Variants in LEPR observed in about 807,000 individuals in gnomAD.
LEPR encodes the protein leptin receptor.
In LEPR, 56 loss-of-function variants were observed where a neutral mutation model predicts 114.7. The ratio of observed to expected loss-of-function variants is 0.49; its 90% CI spans 0.39 to 0.61. LEPR has a LOEUF of 0.61. Among genes scored for constraint, LEPR ranks in the 20% least tolerant of loss-of-function variants. LEPR has a pLI of 0.00. For missense variants in LEPR, 1,202 were observed against 1,352.9 expected (o/e 0.89, Z 1.75); for synonymous variants, 443 against 461.4 (o/e 0.96, Z 0.51).
At chr1:65,482,978 ACT>A (rs1373368132) in intron 2 of LEPR, among the ~76,000 whole-genome samples, 1 of 145,552 alleles carries the variant, frequency 6.9e-6, no homozygotes, top group African/African-American at 2.6e-5. Flanking sequence ...ACAGAGTGAG[ACT>A]CTGTCTCAAA....
chr1:65,482,732 AATCCCAGCACTTTGGG>A (rs1217687466), intron 2 of LEPR, among the ~76,000 whole-genome samples: 1 of 152,182 alleles, frequency 6.6e-6, no homozygotes, highest in Non-Finnish European at 1.5e-5. Flanking sequence ...TCAAGCCTGT[AATCCCAGCACTTTGGG>A]AGGCCAAGGC....
intron 12 of LEPR, 137 bp downstream of exon 12, chr1:65,609,038 A>G (rs1657003053): frequency 1.7e-6 from 2 of 1,178,476 alleles, no homozygotes; most frequent in Non-Finnish European, 2.4e-6. Context: ...CATTAAATAG[A>G]TTTATCTAAG....
At chr1:65,626,074 C>G (rs767313438) in intron 19 of LEPR, 1 of 1,564,730 alleles carries the variant, frequency 6.4e-7, no homozygotes, top group Non-Finnish European at 8.7e-7. Flanking sequence ...AGGCCCACAT[C>G]AGCAAAATGC....
chr1:65,597,075 A>T (rs568704041), intron 7 of LEPR, among the ~76,000 whole-genome samples: 1 of 152,126 alleles, frequency 6.6e-6, no homozygotes, highest in South Asian at 2.1e-4. Flanking sequence ...ATCCTCCACC[A>T]TTCCCCAAAT....
chr1:65,472,663 A>C (rs1014674483), intron 2 of LEPR, among the ~76,000 whole-genome samples: 6 of 146,904 alleles, frequency 4.1e-5, no homozygotes, highest in Non-Finnish European at 8.8e-5. Flanking sequence ...TTTCTTTTTT[A>C]AAAGAGTGTA....
intron 2 of LEPR, among the ~76,000 whole-genome samples, chr1:65,481,422 A>G (rs1387574763): frequency 6.6e-6 from 1 of 152,190 alleles, no homozygotes; most frequent in Non-Finnish European, 1.5e-5. Flanking sequence ...ATATAACATG[A>G]TTATTAATCC....
At chr1:65,497,086 T>C (rs1175727004) in intron 2 of LEPR, among the ~76,000 whole-genome samples, 2 of 152,184 alleles carry the variant, frequency 1.3e-5, no homozygotes, top group Admixed American at 6.6e-5. Flanking sequence ...AATTTATCTG[T>C]GTATTCACAA....
chr1:65,431,271 A>G (rs978303934), intron 2 of LEPR, among the ~76,000 whole-genome samples: 2 of 152,230 alleles, frequency 1.3e-5, no homozygotes, highest in African/African-American at 4.8e-5. Context: ...TCTTGCTTAA[A>G]GTAAAACAAA....
At chr1:65,474,744 A>G (rs1011691749) in intron 2 of LEPR, among the ~76,000 whole-genome samples, 2 of 152,208 alleles carry the variant, frequency 1.3e-5, no homozygotes, top group African/African-American at 4.8e-5. Flanking sequence ...GCGGTGGCTC[A>G]TGCCTGTAAT....
chr1:65,634,289 C>A (rs1290680883), intron 19 of LEPR: 2 of 982,726 alleles, frequency 2.0e-6, no homozygotes, highest in African/African-American at 3.5e-5. Flanking sequence ...GAAAAGAACT[C>A]TACAAAAACG....
At chr1:65,473,948 T>C (rs1647123245) in intron 2 of LEPR, among the ~76,000 whole-genome samples, 1 of 152,224 alleles carries the variant, frequency 6.6e-6, no homozygotes, top group East Asian at 1.9e-4. Flanking sequence ...GCCAGGATCT[T>C]GGTTCTCTCA....
In LEPR at chr1:65,569,646, G is replaced by T. The variant is rs1361120009; in HGVS notation, c.41-827G>T. Among the ~76,000 whole-genome samples, 3 of 144,880 alleles carry T rather than the reference G, an allele frequency of 2.1e-5. No individual in the cohort carries two copies. In the East Asian group the frequency reaches 6.1e-4, roughly 29 times the overall value. On this transcript the variant is annotated intron_variant, in intron 3 of 19. Coordinates refer to ENST00000349533, the MANE Select transcript of LEPR (RefSeq NM_002303.6). ...TGCTTGAACCCGGGAAGCAGAGGTT[G>T]CAGTGAGTCGAGATCATGCCACTGC...
At position 65,445,789 on chromosome 1, in the gene LEPR, G is replaced by T. The variant is rs777790023; in HGVS notation, c.-21+20411G>T. On this transcript the variant is annotated intron_variant, in intron 2 of 19. Transcript: ENST00000349533. Reference sequence around the variant, plus strand: ...TTAAGAAATTTCAACTAATATAGAAGACTTAATCAATTCTCAATTACATGT... The same window carrying T: ...TTAAGAAATTTCAACTAATATAGAATACTTAATCAATTCTCAATTACATGT... Among the ~76,000 whole-genome samples, 415 of 151,880 alleles carry T rather than the reference G, an allele frequency of 2.7e-3. 2 individuals carry two copies. The highest frequency in any genetic ancestry group is 0.024 in the Middle Eastern group (7 of 294).
intron 3 of LEPR, among the ~76,000 whole-genome samples, chr1:65,569,057 A>C (rs773197956): frequency 3.3e-5 from 5 of 151,978 alleles, no homozygotes; most frequent in Non-Finnish European, 7.4e-5. Context: ...AGTTCCTTCT[A>C]AATTCTGGAT....
intron 5 of LEPR, among the ~76,000 whole-genome samples, chr1:65,583,474 G>T (rs1655124793): frequency 1.3e-5 from 2 of 152,100 alleles, no homozygotes; most frequent in Admixed American, 6.6e-5. Flanking sequence ...ATGGGTATCA[G>T]TGACATTTCA....
In LEPR at chr1:65,550,802, C is replaced by CG. The variant is rs546403062; in HGVS notation, c.-20-14743dup. On this transcript the variant is annotated intron_variant, in intron 2 of 19. Transcript: ENST00000349533. ...GGCAATGCCTTGCCCTGCTTTGGCT[C>CG]GCGCACAGCGCGCTGCACCCACTGT... is the stretch of plus-strand genomic sequence containing the variant. 1.5e-3 allele frequency among the ~76,000 whole-genome samples: 231 copies of CG among 152,250 alleles called. 2 individuals are homozygous for CG. The highest frequency in any genetic ancestry group is 5.4e-3 in the African/African-American group (226 of 41,566).
chr1:65,474,435 T>C (rs1647130110), intron 2 of LEPR, among the ~76,000 whole-genome samples: 1 of 152,206 alleles, frequency 6.6e-6, no homozygotes. Flanking sequence ...AAAGGACATG[T>C]GTTCTTATAA....
chr1:65,617,887 T>C (rs1056077634), intron 15 of LEPR, 77 bp from the exon 16 acceptor site: 39 of 1,387,580 alleles, frequency 2.8e-5, no homozygotes, highest in Non-Finnish European at 3.7e-5. Context: ...CTTTAGTAGG[T>C]TATAAGTTCC....
chr1:65,604,008 T>G (rs2100944011), intron 10 of LEPR, among the ~76,000 whole-genome samples: 1 of 152,278 alleles, frequency 6.6e-6, no homozygotes, highest in Non-Finnish European at 1.5e-5. Flanking sequence ...TAATTCTTTC[T>G]TCAAAGTGTG....
Sources: allele counts gnomAD v4.1 joint callset (sites outside exome capture counted in the v4.1 genomes callset), GRCh38; gene constraint gnomAD v4.1.1; transcripts MANE v1.5; gene names NCBI Gene and HGNC (gene_info 2026-07-23, HGNC 2026-07-21).